The following ANXA7 variants were observed in gnomAD, a reference collection of about 807,000 sequenced individuals.
The protein encoded by ANXA7 is annexin VII.
A neutral mutation model predicts 64.9 loss-of-function variants in ANXA7; 55 were observed. The ratio of observed to expected loss-of-function variants is 0.85; its 90% CI spans 0.68 to 1.06. The LOEUF (loss-of-function observed/expected upper bound fraction) is 1.06. Among genes scored for constraint, ANXA7 ranks in the 50% least tolerant of loss-of-function variants. ANXA7 has a pLI of 0.00. For missense variants in ANXA7, 548 were observed against 582.1 expected (o/e 0.94, Z 0.60); for synonymous variants, 200 against 192.4 (o/e 1.04, Z -0.33).
In ANXA7 at chr10:73,375,136, C is replaced by A. The variant is rs2055150277; in HGVS notation, c.*959G>T. 1 of 151,942 alleles carries A rather than the reference C, an allele frequency of 6.6e-6. No individual in the cohort carries two copies. Among genetic ancestry groups the A allele is most frequent in the Admixed American group, 6.6e-5 (1 of 15,240 alleles). 9.4% of individuals were successfully genotyped at this position (151,942 alleles called of 1,614,324 possible). A position where few individuals can be genotyped will look rare whatever the true frequency, so the allele number is the denominator to read the frequency against. ...CATTTATACGTGGAATCTAAAATAG[C>A]TGAACTTAAACACAGTGGTGGTTGT... On this transcript the variant is annotated 3_prime_UTR_variant, in exon 13 of 13. Transcript: ENST00000372921.
chr10:73,388,994 G>T (rs1241609133), intron 5 of ANXA7, among the ~76,000 whole-genome samples: 1 of 152,148 alleles, frequency 6.6e-6, no homozygotes, highest in Non-Finnish European at 1.5e-5. Flanking sequence ...CTAAAATTAG[G>T]TGGCAAAAGT....
intron 7 of ANXA7, among the ~76,000 whole-genome samples, chr10:73,384,104 G>A (rs1564523225): frequency 6.6e-6 from 1 of 151,014 alleles, no homozygotes; most frequent in African/African-American, 2.4e-5. Flanking sequence ...CTGGGCGACA[G>A]AGCAAGACTC....
At chr10:73,390,494 T>C (rs1479464680) in intron 5 of ANXA7, among the ~76,000 whole-genome samples, 1 of 152,076 alleles carries the variant, frequency 6.6e-6, no homozygotes, top group Admixed American at 6.6e-5. Flanking sequence ...AAAATTATTC[T>C]ACTTGTAGCA....
intron 5 of ANXA7, among the ~76,000 whole-genome samples, chr10:73,393,507 A>T (rs2055519613): frequency 6.6e-6 from 1 of 152,236 alleles, no homozygotes. Context: ...GTACCAAAAC[A>T]GAGATATAGA....
intron 1 of ANXA7, among the ~76,000 whole-genome samples, chr10:73,405,238 C>CCA: frequency 8.1e-6 from 1 of 123,944 alleles, no homozygotes. Context: ...GCAATACTGT[C>CCA]TCAAAAAAAA....
intron 5 of ANXA7, among the ~76,000 whole-genome samples, chr10:73,393,109 C>A (rs911432652): frequency 7.2e-5 from 11 of 152,186 alleles, no homozygotes; most frequent in Admixed American, 4.6e-4. Context: ...ACAATCGCTT[C>A]AAAGAGAATA....
chr10:73,377,626 A>AT lies in ANXA7; in HGVS notation c.1278+1284dup, dbSNP rs1417913006. The AT allele has an allele frequency of 2.2e-5, 3 of 137,140 alleles. No homozygotes were observed. In the East Asian group the frequency reaches 6.8e-4, roughly 31 times the overall value. The allele number at this position is 137,140 out of a possible 1,614,324, so 8.5% of individuals were successfully genotyped here. A position where few individuals can be genotyped will look rare whatever the true frequency, so the allele number is the denominator to read the frequency against. On this transcript the variant is annotated intron_variant, in intron 12 of 12. Transcript: ENST00000372921. ...CGCAATAATAATAATAATTTAGGGT[A>AT]TTTTTTTGACACAGGGTCTCTGTCA...
intron 12 of ANXA7, among the ~76,000 whole-genome samples, chr10:73,377,773 G>GTGTGTGTGT (rs2055200570): frequency 1.0e-4 from 13 of 124,822 alleles, no homozygotes; most frequent in African/African-American, 4.2e-4. Flanking sequence ...GGTGGGTGTG[G>GTGTGTGTGT]GTGTGTGTGT....
rs374662699 is a variant in ANXA7, at chr10:73,396,143, A to T, written c.435+376T>A. 3 of 1,431,732 alleles carry T rather than the reference A, an allele frequency of 2.1e-6. No individual in the cohort carries two copies. The African/African-American group carries it at 4.3e-5, about 20-fold the overall frequency. 88.7% of individuals were successfully genotyped at this position (1,431,732 alleles called of 1,614,324 possible). ...AGAGTGAAAAGTTATAAAGGTAAAA[A>T]TGGGAAACAAAACCACCCTACATAA... On this transcript the variant is annotated intron_variant, in intron 5 of 12. Coordinates refer to ENST00000372921, the MANE Select transcript of ANXA7 (RefSeq NM_001156.5).
In ANXA7 at chr10:73,398,289, T is replaced by G. The variant is rs770490916; in HGVS notation, c.151A>C (p.Ser51Arg). The stretch of plus-strand genomic sequence containing the variant: ...CCTCCAGCTCCTGGGTAGCCACTAC[T>G]TGGCACTTGTGGGTAGGCACCTCCT... ...MGGGAYPQVP[S>R]SGYPGAGGYP... is the part of the protein sequence containing the mutation. The change falls in exon 3 of 13, where the codon AGT becomes CGT. Residue 51 changes from serine (S) to arginine (R), a missense_variant. Coordinates refer to ENST00000372921, the MANE Select transcript of ANXA7 (RefSeq NM_001156.5). The G allele has an allele frequency of 1.2e-6, 2 of 1,614,140 alleles. No individual in the cohort carries two copies. The highest frequency in any genetic ancestry group is 8.5e-7 in the Non-Finnish European group (1 of 1,180,026).
intron 1 of ANXA7, 31 bp from the exon 2 acceptor site, chr10:73,400,888 A>G (rs759621950): frequency 1.6e-5 from 25 of 1,561,658 alleles, no homozygotes; most frequent in South Asian, 8.1e-5. Context: ...GTCCTCTGTA[A>G]GTTTTTTGTT....
In ANXA7 at chr10:73,375,415, A is replaced by G. The variant is rs1286176186; in HGVS notation, c.*680T>C. 1.3e-5 allele frequency: 2 copies of G among 152,232 alleles called. No homozygotes were observed. The highest frequency in any genetic ancestry group is 2.4e-5 in the African/African-American group (1 of 41,452). 9.4% of individuals were successfully genotyped at this position (152,232 alleles called of 1,614,324 possible). On this transcript the variant is annotated 3_prime_UTR_variant, in exon 13 of 13. Coordinates refer to ENST00000372921, the MANE Select transcript of ANXA7 (RefSeq NM_001156.5). ...TGGAATCATTACACAAGGAATGCTG[A>G]TATCAAAACACCATATTGTACACCT... is the stretch of plus-strand genomic sequence containing the variant.
At chr10:73,377,787 T>TGG (rs1249237616) in intron 12 of ANXA7, among the ~76,000 whole-genome samples, 2 of 149,094 alleles carry the variant, frequency 1.3e-5, no homozygotes, top group African/African-American at 5.0e-5. Context: ...TGTGTGTGTG[T>TGG]GTGTGTGTGT....
Position 73,376,134 on chromosome 10 carries a change from T to C in ANXA7, c.1362A>G (p.Gly454=), listed in dbSNP as rs2055166186. The stretch of plus-strand genomic sequence containing the variant: ...TAGCCAGAAGAAGTCTTCGGTAATC[T>C]CCACTCGTGTCACCTGCAATCATTG... ...LGTMIAGDTS[G]DYRRLLLAIV... is the part of the protein sequence containing the mutation. The change falls in exon 13 of 13, where the codon GGA becomes GGG. Residue 454 remains glycine (G), a synonymous_variant. Transcript: ENST00000372921. 1 of 1,604,628 alleles carries C rather than the reference T, an allele frequency of 6.2e-7. No individual in the cohort carries two copies. Among genetic ancestry groups the C allele is most frequent in the Non-Finnish European group, 8.5e-7 (1 of 1,176,168 alleles).
At chr10:73,395,969 A>G in intron 5 of ANXA7, 1 of 917,422 alleles carries the variant, frequency 1.1e-6, no homozygotes, top group Non-Finnish European at 1.8e-6. Context: ...AGTGAGAGAC[A>G]AGTACATGAG....
intron 1 of ANXA7, among the ~76,000 whole-genome samples, chr10:73,409,541 T>G (rs933390044): frequency 6.6e-6 from 1 of 152,178 alleles, no homozygotes; most frequent in African/African-American, 2.4e-5. Flanking sequence ...TGGAAACTCA[T>G]CCCATGCTCA....
intron 1 of ANXA7, among the ~76,000 whole-genome samples, chr10:73,408,849 A>G (rs1424025824): frequency 1.3e-5 from 2 of 152,226 alleles, no homozygotes; most frequent in Non-Finnish European, 2.9e-5. Flanking sequence ...GTGTCATCCC[A>G]GGGATGCTGG....
intron 1 of ANXA7, among the ~76,000 whole-genome samples, chr10:73,406,390 T>C (rs2055759250): frequency 6.6e-6 from 1 of 152,230 alleles, no homozygotes; most frequent in South Asian, 2.1e-4. Context: ...TATTCTTGCT[T>C]ATACTCTGTC....
intron 5 of ANXA7, among the ~76,000 whole-genome samples, chr10:73,394,471 T>C (rs1486917101): frequency 3.3e-5 from 5 of 152,148 alleles, no homozygotes; most frequent in African/African-American, 4.8e-5. Context: ...CAAATGTCCA[T>C]CAATGATAGA....
Sources: gnomAD v4.1 joint callset for allele counts (sites outside exome capture counted in the v4.1 genomes callset) on GRCh38, gnomAD v4.1.1 for gene constraint, MANE v1.5 for transcripts, NCBI Gene and HGNC (gene_info 2026-07-23, HGNC 2026-07-21) for gene names.